Variants in TNKS observed in about 807,000 individuals in gnomAD.
TNKS encodes the protein tankyrase, also known as poly [ADP-ribose] polymerase tankyrase-1.
A neutral mutation model predicts 135.8 loss-of-function variants in TNKS; 72 were observed. The observed-to-expected ratio is 0.53, with a 90% CI of 0.44 to 0.64. The LOEUF is 0.64. TNKS is among the 30% of genes least tolerant of loss of function. The probability of loss-of-function intolerance (pLI) is 0.00; values close to 1 mark genes in which losing one functional copy is unlikely to be tolerated. For synonymous variants in TNKS, 849 were observed against 649.3 expected, an observed-to-expected ratio of 1.31 and a Z score of -4.68; for missense variants, 1,769 against 1,674.0, an observed-to-expected ratio of 1.06 and a Z score of -0.99.
intron 3 of TNKS, among the ~76,000 whole-genome samples, chr8:9,661,767 C>G (rs938868082): frequency 3.3e-5 from 5 of 152,072 alleles, no homozygotes; most frequent in Non-Finnish European, 7.4e-5. Flanking sequence ...TTCTGCACAG[C>G]AAAAGAAACT....
chr8:9,702,324 C>T (rs1803842915), intron 5 of TNKS, among the ~76,000 whole-genome samples: 1 of 151,488 alleles, frequency 6.6e-6, no homozygotes, highest in African/African-American at 2.4e-5. Flanking sequence ...CACACACACA[C>T]ACATACACAC....
intron 3 of TNKS, among the ~76,000 whole-genome samples, chr8:9,672,712 A>ACAC (rs1554466579): frequency 0.025 from 2,029 of 82,710 alleles, 21 homozygotes; most frequent in East Asian, 0.092. Flanking sequence ...ACACACACAC[A>ACAC]AAAAAAAAAA....
intron 2 of TNKS, among the ~76,000 whole-genome samples, chr8:9,595,861 T>G (rs1254110255): frequency 1.3e-5 from 2 of 151,970 alleles, no homozygotes; most frequent in African/African-American, 2.4e-5. Flanking sequence ...ACCTCTAATC[T>G]TGGCACTTTG....
chr8:9,767,031 T>C (rs2128837801), intron 25 of TNKS, among the ~76,000 whole-genome samples: 1 of 152,336 alleles, frequency 6.6e-6, no homozygotes, highest in South Asian at 2.1e-4. Context: ...AATCAGAATA[T>C]GGCAAGGCTA....
chr8:9,666,414 A>G (rs1290943578), intron 3 of TNKS, among the ~76,000 whole-genome samples: 2 of 152,212 alleles, frequency 1.3e-5, no homozygotes, highest in African/African-American at 4.8e-5. Context: ...AGAGAAATAA[A>G]TTACGTATTA....
intron 1 of TNKS, among the ~76,000 whole-genome samples, chr8:9,570,610 C>G (rs1316673072): frequency 6.6e-6 from 1 of 152,190 alleles, no homozygotes; most frequent in Non-Finnish European, 1.5e-5. Flanking sequence ...TAACCCAAAA[C>G]AAAGGGCCTC....
intron 3 of TNKS, chr8:9,679,724 T>C: frequency 2.0e-6 from 1 of 488,690 alleles, no homozygotes; most frequent in Non-Finnish European, 3.7e-6. Flanking sequence ...TGAAGAAAGC[T>C]ATTTCATCTG....
chr8:9,580,405 C>G (rs911566612), intron 2 of TNKS, 22 bp downstream of exon 2: 7 of 1,595,224 alleles, frequency 4.4e-6, no homozygotes, highest in African/African-American at 4.0e-5. Flanking sequence ...TTGATGATAT[C>G]TAAATTTTAA....
At chr8:9,617,433 A>G (rs918410505) in intron 3 of TNKS, among the ~76,000 whole-genome samples, 8 of 152,372 alleles carry the variant, frequency 5.3e-5, no homozygotes, top group African/African-American at 1.9e-4. Flanking sequence ...CTTTTCAAGA[A>G]TATCTACTTT....
intron 12 of TNKS, among the ~76,000 whole-genome samples, chr8:9,724,217 C>T (rs77403801): frequency 0.078 from 11,811 of 152,110 alleles, 527 homozygotes; most frequent in South Asian, 0.17. Flanking sequence ...TGGGAGGCAA[C>T]GGTGGGAGGA....
chr8:9,656,884 C>G (rs1318834491), intron 3 of TNKS, among the ~76,000 whole-genome samples: 162 of 131,274 alleles, frequency 1.2e-3, no homozygotes, highest in Middle Eastern at 3.8e-3. Context: ...CGCCCTTAAT[C>G]CATTTAACCC....
intron 14 of TNKS, among the ~76,000 whole-genome samples, chr8:9,731,481 A>C (rs922730065): frequency 9.2e-5 from 14 of 151,542 alleles, no homozygotes; most frequent in African/African-American, 2.7e-4. Flanking sequence ...AAAAAAAAAA[A>C]AAACATAGAA....
In TNKS at chr8:9,643,222, A is replaced by G. The variant is rs1585267783; in HGVS notation, c.994+27545A>G. Among the ~76,000 whole-genome samples, 6 of 146,210 alleles carry G rather than the reference A, an allele frequency of 4.1e-5. 2 individuals are homozygous for G. The South Asian group carries it at 8.8e-4, about 21-fold the overall frequency. On this transcript the variant is annotated intron_variant, in intron 3 of 26. Coordinates refer to ENST00000310430, the MANE Select transcript of TNKS (RefSeq NM_003747.3). The stretch of plus-strand genomic sequence containing the variant: ...TTGCCTTAGTCCATTTTGTGCTGCT[A>G]TTAATAGTATAACACAGACTGGGTG...
chr8:9,753,522 T>C (rs1402398819), intron 20 of TNKS, among the ~76,000 whole-genome samples: 1 of 152,230 alleles, frequency 6.6e-6, no homozygotes, highest in Non-Finnish European at 1.5e-5. Flanking sequence ...GATTCTTCTG[T>C]TTGTTTTACT....
At position 9,754,311 on chromosome 8, in the gene TNKS, C is replaced by G. The variant is rs189838955; in HGVS notation, c.3153+1685C>G. ...GTGTCACCCTTTCAATCACCCACCT[C>G]TACACATCTTCCCCTATTTTAGAAT... is the stretch of plus-strand genomic sequence containing the variant. On this transcript the variant is annotated intron_variant, in intron 20 of 26. Coordinates refer to ENST00000310430, the MANE Select transcript of TNKS (RefSeq NM_003747.3). 2.9e-3 allele frequency among the ~76,000 whole-genome samples: 448 copies of G among 152,296 alleles called. 4 individuals carry two copies. The highest frequency in any genetic ancestry group is 0.01 in the African/African-American group (422 of 41,556).
At chr8:9,657,772 CA>C (rs1801476026) in intron 3 of TNKS, among the ~76,000 whole-genome samples, 1 of 141,034 alleles carries the variant, frequency 7.1e-6, no homozygotes, top group African/African-American at 2.6e-5. Context: ...GCTGGCCGGG[CA>C]GGGGGCTGAC....
intron 3 of TNKS, among the ~76,000 whole-genome samples, chr8:9,633,848 G>T (rs928920018): frequency 1.3e-5 from 2 of 152,080 alleles, no homozygotes; most frequent in African/African-American, 4.8e-5. Flanking sequence ...TTTTCCAGCC[G>T]CATTTAAGCC....
intron 2 of TNKS, among the ~76,000 whole-genome samples, chr8:9,602,967 G>A (rs1476534505): frequency 6.6e-6 from 1 of 152,124 alleles, no homozygotes; most frequent in African/African-American, 2.4e-5. Context: ...ATTTGTAGTT[G>A]AGAAACTAGG....
chr8:9,681,176 CAGA>C (rs141716498), intron 5 of TNKS: 2,173 of 157,854 alleles, frequency 0.014, 46 homozygotes, highest in African/African-American at 0.05. Flanking sequence ...TCTTATTTGG[CAGA>C]AGAAGATTTG....
Sources: allele counts gnomAD v4.1 joint callset (sites outside exome capture counted in the v4.1 genomes callset), GRCh38; gene constraint gnomAD v4.1.1; transcripts MANE v1.5; gene names NCBI Gene and HGNC (gene_info 2026-07-23, HGNC 2026-07-21).